SPAG16: variants seen among roughly 807,000 people sequenced by gnomAD.
SPAG16 encodes the protein sperm-associated antigen 16 protein.
Under a neutral mutation model 80.4 loss-of-function variants are expected in SPAG16, and 86 were observed. The ratio of observed to expected loss-of-function variants is 1.07; its 90% CI spans 0.90 to 1.28. The LOEUF is 1.28. Ranked by LOEUF, SPAG16 falls within the 50% of genes most tolerant of loss-of-function variation. The pLI is 0.00. For missense variants in SPAG16, 870 were observed against 765.3 expected, an observed-to-expected ratio of 1.14 and a Z score of -1.61; for synonymous variants, 294 against 265.9, an observed-to-expected ratio of 1.11 and a Z score of -1.03.
At chr2:213,362,610 T>C (rs2066045784) in intron 7 of SPAG16, among the ~76,000 whole-genome samples, 2 of 152,214 alleles carry the variant, frequency 1.3e-5, no homozygotes, top group South Asian at 4.1e-4. Context: ...CCCTGTGATC[T>C]TCTTGCAAAT....
chr2:213,563,212 T>A (rs1205018228), intron 10 of SPAG16, among the ~76,000 whole-genome samples: 3 of 152,262 alleles, frequency 2.0e-5, no homozygotes, highest in Non-Finnish European at 4.4e-5. Flanking sequence ...TTTTACTTTC[T>A]GTGAACTCTT....
intron 15 of SPAG16, among the ~76,000 whole-genome samples, chr2:214,386,232 G>A (rs115746295): frequency 0.019 from 2,844 of 151,800 alleles, 100 homozygotes; most frequent in African/African-American, 0.064. Flanking sequence ...AAACTTAGCC[G>A]GGCATGGTGG....
intron 9 of SPAG16, among the ~76,000 whole-genome samples, chr2:213,424,126 G>A (rs569333245): frequency 3.3e-5 from 5 of 152,316 alleles, no homozygotes; most frequent in African/African-American, 1.2e-4. Flanking sequence ...GGAAATAAGT[G>A]TAGTCAGGAT....
intron 9 of SPAG16, among the ~76,000 whole-genome samples, chr2:213,376,134 C>A (rs545577880): frequency 2.6e-5 from 4 of 151,468 alleles, no homozygotes; most frequent in African/African-American, 9.7e-5. Flanking sequence ...GTTTTTCTAT[C>A]ATAATTATAG....
At chr2:213,672,688 T>C (rs565803719) in intron 10 of SPAG16, among the ~76,000 whole-genome samples, 1 of 152,154 alleles carries the variant, frequency 6.6e-6, no homozygotes, top group Non-Finnish European at 1.5e-5. Context: ...CAACTGCTTT[T>C]ATAATATTTA....
At chr2:214,032,769 T>G (rs1352360771) in intron 13 of SPAG16, among the ~76,000 whole-genome samples, 1 of 152,170 alleles carries the variant, frequency 6.6e-6, no homozygotes, top group Non-Finnish European at 1.5e-5. Flanking sequence ...TGATGTAGAT[T>G]TACTTTGGAG....
intron 7 of SPAG16, among the ~76,000 whole-genome samples, chr2:213,356,324 A>G (rs2065648027): frequency 6.6e-6 from 1 of 152,216 alleles, no homozygotes; most frequent in South Asian, 2.1e-4. Context: ...AAGGAATGGT[A>G]CCAGCTCCTC....
At chr2:214,013,628 T>A (rs1287200661) in intron 12 of SPAG16, among the ~76,000 whole-genome samples, 3 of 152,158 alleles carry the variant, frequency 2.0e-5, no homozygotes. Context: ...AGTGCAAAAT[T>A]TTTTAAACAT....
At chr2:213,587,801 C>T (rs1559283976) in intron 10 of SPAG16, among the ~76,000 whole-genome samples, 1 of 152,098 alleles carries the variant, frequency 6.6e-6, no homozygotes, top group African/African-American at 2.4e-5. Context: ...GTTCTACCTT[C>T]CACAAAATAC....
At chr2:213,843,323 T>C (rs10932502) in intron 10 of SPAG16, among the ~76,000 whole-genome samples, 38,347 of 152,122 alleles carry the variant, frequency 0.25, 5,344 homozygotes, top group South Asian at 0.38. Flanking sequence ...AAGCCAGTCA[T>C]ACAGAACCGT....
intron 3 of SPAG16, among the ~76,000 whole-genome samples, chr2:213,301,690 TGC>T (rs2126087385): frequency 6.6e-6 from 1 of 152,282 alleles, no homozygotes; most frequent in East Asian, 1.9e-4. Context: ...ATGTGTCTAA[TGC>T]AAATTTCAGT....
intron 11 of SPAG16, among the ~76,000 whole-genome samples, chr2:213,895,838 T>C (rs2076971254): frequency 6.6e-6 from 1 of 152,108 alleles, no homozygotes; most frequent in African/African-American, 2.4e-5. Flanking sequence ...GAAGAAAGCA[T>C]TGGGTAAGCA....
intron 15 of SPAG16, among the ~76,000 whole-genome samples, chr2:214,287,858 T>A (rs1032676852): frequency 1.3e-5 from 2 of 152,212 alleles, no homozygotes; most frequent in South Asian, 2.1e-4. Flanking sequence ...GAATAGGTAA[T>A]GACCAAGTCA....
chr2:214,321,447 G>A (rs1452183902), intron 15 of SPAG16, among the ~76,000 whole-genome samples: 1 of 152,168 alleles, frequency 6.6e-6, no homozygotes, highest in Admixed American at 6.5e-5. Context: ...AATCACTGTG[G>A]TAAGCACAGT....
chr2:213,888,818 A>G (rs2076666989), intron 11 of SPAG16, among the ~76,000 whole-genome samples: 1 of 152,048 alleles, frequency 6.6e-6, no homozygotes, highest in African/African-American at 2.4e-5. Context: ...CTAGAAAATA[A>G]AAACATATTT....
At chr2:214,073,800 A>G (rs977511950) in intron 13 of SPAG16, among the ~76,000 whole-genome samples, 6 of 152,174 alleles carry the variant, frequency 3.9e-5, no homozygotes, top group African/African-American at 1.4e-4. Context: ...GACCTACTAT[A>G]AGTCTTACTT....
intron 12 of SPAG16, among the ~76,000 whole-genome samples, chr2:213,952,862 C>A (rs1184990584): frequency 6.6e-6 from 1 of 152,044 alleles, no homozygotes; most frequent in Non-Finnish European, 1.5e-5. Context: ...ACAAAGTTAG[C>A]TGTAGCTTCA....
intron 15 of SPAG16, among the ~76,000 whole-genome samples, chr2:214,233,712 A>G (rs1042419832): frequency 2.0e-5 from 3 of 152,126 alleles, no homozygotes; most frequent in East Asian, 1.9e-4. Context: ...GATAATTTCA[A>G]TGAGATTATA....
chr2:213,907,860 T>C (rs1575518546), intron 11 of SPAG16, among the ~76,000 whole-genome samples: 3 of 152,234 alleles, frequency 2.0e-5, no homozygotes, highest in South Asian at 2.1e-4. Context: ...TTATGGTTAT[T>C]ACAGGCTGAG....
Sources: allele counts gnomAD v4.1 joint callset (sites outside exome capture counted in the v4.1 genomes callset), GRCh38; gene constraint gnomAD v4.1.1; transcripts MANE v1.5; gene names NCBI Gene and HGNC (gene_info 2026-07-23, HGNC 2026-07-21).